GPR39: variants seen among roughly 807,000 people sequenced by gnomAD.
The protein encoded by GPR39 is G protein-coupled receptor 39.
Under a neutral mutation model 18.4 loss-of-function variants are expected in GPR39, and 23 were observed. The ratio of observed to expected loss-of-function variants is 1.25; its 90% CI spans 0.90 to 1.77. The LOEUF is 1.77. Ranked by LOEUF, GPR39 falls within the 40% of genes most tolerant of loss-of-function variation. GPR39 has a pLI of 0.00. For synonymous variants in GPR39, 280 were observed against 257.9 expected (o/e 1.09, Z -0.82); for missense variants, 647 against 602.4 (o/e 1.07, Z -0.78).
chr2:132,558,509 A>C (rs1032885941), intron 1 of GPR39, among the ~76,000 whole-genome samples: 3 of 152,206 alleles, frequency 2.0e-5, no homozygotes, highest in Admixed American at 2.0e-4. Flanking sequence ...CACAGAGATC[A>C]GATCCTTTCT....
intron 1 of GPR39, among the ~76,000 whole-genome samples, chr2:132,573,546 G>T (rs1332925358): frequency 6.6e-6 from 1 of 152,140 alleles, no homozygotes; most frequent in African/African-American, 2.4e-5. Flanking sequence ...AGAACCACTT[G>T]CCACTTTCCA....
intron 1 of GPR39, among the ~76,000 whole-genome samples, chr2:132,630,192 G>T (rs1681623366): frequency 6.6e-6 from 1 of 152,162 alleles, no homozygotes; most frequent in African/African-American, 2.4e-5. Flanking sequence ...CAAGACACAA[G>T]TTCTGGCTAA....
At chr2:132,624,428 A>T (rs1681506296) in intron 1 of GPR39, among the ~76,000 whole-genome samples, 1 of 152,234 alleles carries the variant, frequency 6.6e-6, no homozygotes, top group South Asian at 2.1e-4. Context: ...GACATTTATT[A>T]TCAATGCTGG....
intron 1 of GPR39, among the ~76,000 whole-genome samples, chr2:132,611,659 C>G (rs1051851024): frequency 9.9e-5 from 15 of 150,982 alleles, no homozygotes; most frequent in Non-Finnish European, 2.9e-5. Context: ...CTTCATGGCT[C>G]AAAGCAACCC....
Position 132,417,500 on chromosome 2 carries a change from AGCT to A in GPR39, c.463_465del (p.Leu155del). On this transcript the variant is annotated inframe_deletion, in exon 1 of 2. Transcript: ENST00000329321. ...GCTGTGTCGGGACCTTGCCAGGTGAAGCTGCTGATTGGCTTCGTCTGGGTCACC... is the reference window on the plus strand; with the variant it reads ...GCTGTGTCGGGACCTTGCCAGGTGAAGCTGATTGGCTTCGTCTGGGTCACC... 4 of 1,614,148 alleles carry A rather than the reference AGCT, an allele frequency of 2.5e-6. No homozygotes were observed. In the South Asian group the frequency reaches 4.4e-5, roughly 18 times the overall value.
At chr2:132,524,246 A>T (rs1679471735) in intron 1 of GPR39, among the ~76,000 whole-genome samples, 2 of 152,218 alleles carry the variant, frequency 1.3e-5, no homozygotes, top group South Asian at 4.1e-4. Context: ...CCTGGTAATT[A>T]TTCAGTTCAA....
At chr2:132,443,586 T>C (rs1680477060) in intron 1 of GPR39, among the ~76,000 whole-genome samples, 1 of 152,186 alleles carries the variant, frequency 6.6e-6, no homozygotes, top group African/African-American at 2.4e-5. Flanking sequence ...GTGGGTTAGG[T>C]GTATTAAATG....
chr2:132,450,020 G>C (rs753481176), intron 1 of GPR39, among the ~76,000 whole-genome samples: 2 of 152,204 alleles, frequency 1.3e-5, no homozygotes, highest in Non-Finnish European at 2.9e-5. Context: ...CAGAAAGATT[G>C]ATGGTGGAAT....
At chr2:132,613,719 A>G (rs1681274957) in intron 1 of GPR39, among the ~76,000 whole-genome samples, 1 of 152,136 alleles carries the variant, frequency 6.6e-6, no homozygotes, top group African/African-American at 2.4e-5. Context: ...ACTTGTCCTC[A>G]TCTTGTTCTT....
At chr2:132,423,164 A>G (rs1343581558) in intron 1 of GPR39, among the ~76,000 whole-genome samples, 2 of 151,744 alleles carry the variant, frequency 1.3e-5, no homozygotes, top group African/African-American at 2.4e-5. Context: ...GGACCACTCA[A>G]CTGACTCTCC....
rs34508615 is a variant in GPR39, at chr2:132,451,147, C to CTGTGTGTGTGTGTG, written c.856+33264_856+33277dup. ...CTGAGAGCCATTGCTATCTTTGAGG[C>CTGTGTGTGTGTGTG]TGTGTGTGTGTGTGTGTGTGTGTGT... On this transcript the variant is annotated intron_variant, in intron 1 of 1. Transcript: ENST00000329321. Among the ~76,000 whole-genome samples, 228 of 106,092 alleles carry CTGTGTGTGTGTGTG rather than the reference C, an allele frequency of 2.1e-3. 1 individual carries two copies. The highest frequency in any genetic ancestry group is 5.8e-3 in the African/African-American group (205 of 35,618). The allele number at this position is 106,092 out of a possible 152,430, so 69.6% of individuals were successfully genotyped here.
intron 1 of GPR39, among the ~76,000 whole-genome samples, chr2:132,538,082 C>A (rs568489045): frequency 6.6e-6 from 1 of 152,230 alleles, no homozygotes; most frequent in East Asian, 1.9e-4. Flanking sequence ...CAGTTCTGTG[C>A]CCTTGCTGGA....
At chr2:132,452,260 G>A (rs1419612163) in intron 1 of GPR39, among the ~76,000 whole-genome samples, 2 of 152,068 alleles carry the variant, frequency 1.3e-5, no homozygotes, top group African/African-American at 4.8e-5. Context: ...CTTTTTTCCA[G>A]GATACTCTGT....
chr2:132,549,492 T>C (rs905930797), intron 1 of GPR39, among the ~76,000 whole-genome samples: 4 of 152,160 alleles, frequency 2.6e-5, no homozygotes, highest in African/African-American at 9.7e-5. Context: ...ATTTCTGTAA[T>C]TAAGAGCTTC....
chr2:132,616,155 G>A (rs1042725157), intron 1 of GPR39, among the ~76,000 whole-genome samples: 2 of 152,080 alleles, frequency 1.3e-5, no homozygotes, highest in African/African-American at 4.8e-5. Context: ...TTATATGTGG[G>A]TTCTCAGCTG....
At chr2:132,604,416 G>C (rs796454409) in intron 1 of GPR39, 1 of 152,188 alleles carries the variant, frequency 6.6e-6, no homozygotes, top group African/African-American at 2.4e-5. Context: ...TGAGCTATAA[G>C]GGCATAAAAG....
chr2:132,471,683 C>T (rs4334542), intron 1 of GPR39, among the ~76,000 whole-genome samples: 149,603 of 150,906 alleles, frequency 0.99, 74,173 homozygotes, highest in East Asian at 1. Flanking sequence ...CCCCATAACT[C>T]GTTGCCTTAA....
chr2:132,552,841 T>C (rs1037111374), intron 1 of GPR39, among the ~76,000 whole-genome samples: 3 of 140,160 alleles, frequency 2.1e-5, no homozygotes, highest in East Asian at 2.6e-4. Context: ...TACATATATA[T>C]ATATACACAC....
intron 1 of GPR39, among the ~76,000 whole-genome samples, chr2:132,586,724 T>A (rs1438746885): frequency 1.3e-5 from 2 of 152,224 alleles, no homozygotes; most frequent in Non-Finnish European, 2.9e-5. Flanking sequence ...ACTCAGACAC[T>A]TACTGCGTGG....
Sources: allele counts gnomAD v4.1 joint callset (sites outside exome capture counted in the v4.1 genomes callset), GRCh38; gene constraint gnomAD v4.1.1; transcripts MANE v1.5; gene names NCBI Gene and HGNC (gene_info 2026-07-23, HGNC 2026-07-21).